SERPINB11: variants seen among roughly 807,000 people sequenced by gnomAD.
SERPINB11 encodes the protein serpin family B member 11, also known as serpin B11.
A neutral mutation model predicts 36.7 loss-of-function variants in SERPINB11; 32 were observed. The observed-to-expected ratio is 0.87, with a 90% confidence interval of 0.66 to 1.17. The LOEUF (loss-of-function observed/expected upper bound fraction) is 1.17. Among genes scored for constraint, SERPINB11 ranks in the 50% most tolerant of loss-of-function variants. SERPINB11 has a pLI of 0.00. For synonymous variants in SERPINB11, 174 were observed against 168.1 expected (o/e 1.04, Z -0.27); for missense variants, 528 against 458.4 (o/e 1.15, Z -1.39).
In SERPINB11 at chr18:63,723,227, A is replaced by G. The variant is rs1914868046; in HGVS notation, c.1007A>G (p.Tyr336Cys). Residue 336 changes from tyrosine to cysteine, a missense_variant, in exon 8 of 8, where the codon TAC becomes TGC. Tyr to Cys is a radical substitution (Grantham distance 194). Coordinates refer to ENST00000544088, the MANE Select transcript of SERPINB11 (RefSeq NM_001370475.1). ...TTATCAAAAGCCATCCACAAGTCAT[A>G]CCTGGATGTCAGCGAAGAGGGCACG... ...LYLSKAIHKS[Y>C]LDVSEEGTEA... 6.2e-7 allele frequency: 1 copy of G among 1,613,906 alleles called. No individual in the cohort carries two copies. Among genetic ancestry groups the G allele is most frequent in the Non-Finnish European group, 8.5e-7 (1 of 1,179,846 alleles).
intron 1 of SERPINB11, among the ~76,000 whole-genome samples, chr18:63,706,706 C>T (rs987584754): frequency 2.0e-5 from 3 of 152,160 alleles, no homozygotes; most frequent in Non-Finnish European, 4.4e-5. Flanking sequence ...CTGCAAGTAA[C>T]AGAAGACTCA....
At chr18:63,720,655 A>G (rs1914786240) in intron 6 of SERPINB11, 176 bp from the exon 7 acceptor site, 1 of 548,100 alleles carries the variant, frequency 1.8e-6, no homozygotes, top group Non-Finnish European at 3.2e-6. Context: ...CTTATTTTAA[A>G]TTAAAAAAAT....
At chr18:63,720,288 C>G in intron 6 of SERPINB11, 133 bp downstream of exon 6, 1 of 813,234 alleles carries the variant, frequency 1.2e-6, no homozygotes, top group Admixed American at 3.1e-5. Flanking sequence ...ATTGTATTTT[C>G]TACAGATTTT....
At chr18:63,717,518 T>C (rs1914699505) in intron 5 of SERPINB11, among the ~76,000 whole-genome samples, 1 of 152,084 alleles carries the variant, frequency 6.6e-6, no homozygotes, top group Non-Finnish European at 1.5e-5. Flanking sequence ...TTGTCCCTCC[T>C]CCTTGCCAAC....
chr18:63,715,904 G>C (rs1914653939), intron 4 of SERPINB11, 131 bp from the exon 5 acceptor site: 2 of 553,906 alleles, frequency 3.6e-6, no homozygotes, highest in African/African-American at 1.9e-5. Flanking sequence ...TATGGATCCT[G>C]TTTCCTCTCA....
chr18:63,712,694 G>A lies in SERPINB11; in HGVS notation c.357+1G>A. On this transcript the variant is annotated splice_donor_variant, in intron 4 of 7. Coordinates refer to ENST00000544088, the MANE Select transcript of SERPINB11 (RefSeq NM_001370475.1). LOFTEE classifies it high-confidence loss of function. ...GACAAAGACGATGGCATTTCATCAGGTAAGTCCATTTGGAAGAGTGATCAA... is the reference window on the plus strand; with the variant it reads ...GACAAAGACGATGGCATTTCATCAGATAAGTCCATTTGGAAGAGTGATCAA... 6.2e-7 allele frequency: 1 copy of A among 1,612,366 alleles called. No individual in the cohort carries two copies.
At chr18:63,712,149 A>T (rs1403713174) in intron 3 of SERPINB11, among the ~76,000 whole-genome samples, 1 of 151,884 alleles carries the variant, frequency 6.6e-6, no homozygotes, top group Non-Finnish European at 1.5e-5. Context: ...TGAAGGGCTG[A>T]GGTATTTGAT....
chr18:63,722,418 C>T (rs916894526), intron 7 of SERPINB11, among the ~76,000 whole-genome samples: 2 of 152,140 alleles, frequency 1.3e-5, no homozygotes, highest in Non-Finnish European at 2.9e-5. Flanking sequence ...AATGAGAAGT[C>T]AGTGTGCTGA....
intron 6 of SERPINB11, 128 bp downstream of exon 6, chr18:63,720,283 A>AT (rs1365672814): frequency 1.2e-6 from 1 of 827,312 alleles, no homozygotes; most frequent in Admixed American, 3.1e-5. Flanking sequence ...TTTTTATTGT[A>AT]TTTTCTACAG....
chr18:63,710,883 C>T (rs1191500030), intron 2 of SERPINB11, among the ~76,000 whole-genome samples: 2 of 152,156 alleles, frequency 1.3e-5, no homozygotes, highest in African/African-American at 4.8e-5. Context: ...ATTTTAATTG[C>T]AGTGGAAAGT....
At chr18:63,710,119 T>A (rs1914477487) in intron 1 of SERPINB11, 60 bp from the exon 2 acceptor site, 1 of 1,356,732 alleles carries the variant, frequency 7.4e-7, no homozygotes, top group Admixed American at 2.5e-5. Context: ...ATAACTGAAC[T>A]CCAGATACTA....
chr18:63,720,798 G>A (rs140509391), intron 6 of SERPINB11, 33 bp from the exon 7 acceptor site: 184 of 1,490,722 alleles, frequency 1.2e-4, no homozygotes, highest in African/African-American at 9.5e-4. Flanking sequence ...ACTCACATAT[G>A]TAAGTATACT....
intron 1 of SERPINB11, 48 bp from the exon 2 acceptor site, chr18:63,710,131 C>A: frequency 6.9e-7 from 1 of 1,443,998 alleles, no homozygotes; most frequent in Non-Finnish European, 9.3e-7. Context: ...CAGATACTAT[C>A]TGTAACTTCA....
At chr18:63,708,571 T>C (rs981406603) in intron 1 of SERPINB11, among the ~76,000 whole-genome samples, 12 of 152,160 alleles carry the variant, frequency 7.9e-5, no homozygotes, top group African/African-American at 2.9e-4. Flanking sequence ...GGAATTGCCA[T>C]TTACAGAGGT....
rs778932489 is a variant in SERPINB11, at chr18:63,720,020, C to T, written c.483C>T (p.Val161=). The T allele has an allele frequency of 2.0e-5, 32 of 1,597,186 alleles. No homozygotes were observed. The African/African-American group carries it at 2.2e-4, about 11-fold the overall frequency. ...TCTTATTTTTTATACAAGGAAAAGT[C>T]GCAAATCTCTTTGGAAAGAGCACAA... ...AWVENKTNGK[V]ANLFGKSTID... The change falls in exon 6 of 8, where the codon GTC becomes GTT. Residue 161 remains valine, a synonymous_variant. Transcript: ENST00000544088.
intron 4 of SERPINB11, among the ~76,000 whole-genome samples, chr18:63,713,822 T>C (rs945512489): frequency 2.6e-5 from 4 of 152,156 alleles, no homozygotes; most frequent in Non-Finnish European, 2.9e-5. Flanking sequence ...GGGATGATCA[T>C]GATGACATCT....
intron 5 of SERPINB11, among the ~76,000 whole-genome samples, chr18:63,718,271 TG>T (rs1201754770): frequency 2.0e-5 from 3 of 152,018 alleles, no homozygotes; most frequent in African/African-American, 7.2e-5. Context: ...TGCCAAATCT[TG>T]ATCCTTTGTA....
intron 2 of SERPINB11, among the ~76,000 whole-genome samples, chr18:63,710,802 CTG>C (rs1914503722): frequency 6.6e-6 from 1 of 152,260 alleles, no homozygotes; most frequent in East Asian, 1.9e-4. Flanking sequence ...GGATTGAAAA[CTG>C]AGACTCAGAA....
At chr18:63,722,947 A>C (rs940428336) in intron 7 of SERPINB11, 48 bp from the exon 8 acceptor site, 1 of 1,478,894 alleles carries the variant, frequency 6.8e-7, no homozygotes, top group African/African-American at 1.4e-5. Context: ...TTTAATGTAG[A>C]GGTCGTGTGT....
Sources: gnomAD v4.1 joint callset for allele counts (sites outside exome capture counted in the v4.1 genomes callset) on GRCh38, gnomAD v4.1.1 for gene constraint, MANE v1.5 for transcripts, NCBI Gene and HGNC (gene_info 2026-07-23, HGNC 2026-07-21) for gene names.